The following MTUS2 variants were observed in gnomAD, a reference collection of about 807,000 sequenced individuals.
MTUS2 encodes the protein microtubule associated scaffold protein 2.
A neutral mutation model predicts 114.1 loss-of-function variants in MTUS2; 40 were observed. The ratio of observed to expected loss-of-function variants is 0.35; its 90% CI spans 0.27 to 0.46. The LOEUF (loss-of-function observed/expected upper bound fraction) is 0.46. MTUS2 is among the 20% of genes least tolerant of loss of function. The probability of loss-of-function intolerance (pLI) is 1.00; values close to 1 mark genes in which losing one functional copy is unlikely to be tolerated. For missense variants in MTUS2, 1,679 were observed against 1,705.4 expected (o/e 0.98, Z 0.27); for synonymous variants, 688 against 672.0 (o/e 1.02, Z -0.37).
At chr13:29,059,463 C>G (rs554917092) in intron 4 of MTUS2, among the ~76,000 whole-genome samples, 1 of 152,142 alleles carries the variant, frequency 6.6e-6, no homozygotes, top group Non-Finnish European at 1.5e-5. Flanking sequence ...AATCTACTCT[C>G]TGAGTGCTTC....
intron 9 of MTUS2, among the ~76,000 whole-genome samples, chr13:29,461,346 C>T (rs1344581316): frequency 6.6e-6 from 1 of 152,182 alleles, no homozygotes; most frequent in Non-Finnish European, 1.5e-5. Flanking sequence ...AACACTGTTG[C>T]ATTGGGGATT....
chr13:29,318,766 T>G (rs1900129307), intron 6 of MTUS2, among the ~76,000 whole-genome samples: 1 of 152,174 alleles, frequency 6.6e-6, no homozygotes, highest in Admixed American at 6.5e-5. Context: ...GAAACTGAGC[T>G]TTTACACTCT....
chr13:28,980,035 C>A (rs1027509833), intron 2 of MTUS2, among the ~76,000 whole-genome samples: 1 of 152,086 alleles, frequency 6.6e-6, no homozygotes, highest in Non-Finnish European at 1.5e-5. Context: ...AAGGAACTTT[C>A]TTATGCTTAG....
chr13:28,912,216 A>AT (rs1566218121), intron 2 of MTUS2, among the ~76,000 whole-genome samples: 1 of 151,956 alleles, frequency 6.6e-6, no homozygotes, highest in Admixed American at 6.6e-5. Context: ...CCAATTTCAA[A>AT]TTTTTTGCAT....
intron 9 of MTUS2, among the ~76,000 whole-genome samples, chr13:29,446,247 T>G (rs1376856656): frequency 6.6e-6 from 1 of 152,198 alleles, no homozygotes; most frequent in African/African-American, 2.4e-5. Flanking sequence ...GGAGAATGAT[T>G]CACTCATTTA....
chr13:28,887,962 C>G (rs1315288640), intron 2 of MTUS2, among the ~76,000 whole-genome samples: 1 of 152,202 alleles, frequency 6.6e-6, no homozygotes, highest in East Asian at 1.9e-4. Context: ...TTTCTACTTT[C>G]CTTCAAGCTT....
chr13:29,180,986 A>C (rs968428657), intron 5 of MTUS2, among the ~76,000 whole-genome samples: 10 of 152,218 alleles, frequency 6.6e-5, no homozygotes, highest in South Asian at 2.1e-4. Flanking sequence ...ATCCTGAAAA[A>C]AAAATTATCT....
chr13:29,276,237 C>G (rs557758491), intron 5 of MTUS2, among the ~76,000 whole-genome samples: 1 of 152,186 alleles, frequency 6.6e-6, no homozygotes, highest in East Asian at 1.9e-4. Context: ...TTTGTCCTAA[C>G]AGTTTAATGA....
At chr13:28,894,279 TG>T (rs1223572563) in intron 2 of MTUS2, among the ~76,000 whole-genome samples, 216 of 17,386 alleles carry the variant, frequency 0.012, 6 homozygotes, top group African/African-American at 0.034. Context: ...GGAGAGTTGG[TG>T]GGGGGGGGGG....
chr13:29,219,739 C>A (rs4769695), intron 5 of MTUS2, among the ~76,000 whole-genome samples: 85,841 of 152,060 alleles, frequency 0.56, 24,427 homozygotes, highest in Admixed American at 0.57. Context: ...GCTTTTCCAT[C>A]AGTACTTGCT....
rs561339374 is a variant in MTUS2, at chr13:28,879,978, A to G, written c.-243+40128A>G. Among the ~76,000 whole-genome samples the G allele has an allele frequency of 2.6e-5, 4 of 152,312 alleles. No individual in the cohort carries two copies. In the South Asian group the frequency reaches 8.3e-4, roughly 32 times the overall value. On this transcript the variant is annotated intron_variant, in intron 2 of 15. Coordinates refer to ENST00000612955, the MANE Select transcript of MTUS2 (RefSeq NM_001033602.4). Reference sequence around the variant, plus strand: ...TGAAGTCGTGAGGTTGAGGCAAAGAAATAAAGCTAGAAAGGACCTGATATA... The same window carrying G: ...TGAAGTCGTGAGGTTGAGGCAAAGAGATAAAGCTAGAAAGGACCTGATATA...
chr13:28,906,239 T>TA (rs1164184614), intron 2 of MTUS2, among the ~76,000 whole-genome samples: 1 of 151,520 alleles, frequency 6.6e-6, no homozygotes, highest in African/African-American at 2.4e-5. Context: ...AAGTGTTTTT[T>TA]ATGTCTCTAT....
intron 5 of MTUS2, among the ~76,000 whole-genome samples, chr13:29,168,130 A>G (rs1188679789): frequency 6.6e-6 from 1 of 152,180 alleles, no homozygotes; most frequent in East Asian, 1.9e-4. Flanking sequence ...AATATAGAGG[A>G]GGATATATTC....
At chr13:29,203,561 A>AG (rs34775982) in intron 5 of MTUS2, among the ~76,000 whole-genome samples, 5 of 40,044 alleles carry the variant, frequency 1.2e-4, no homozygotes, top group African/African-American at 6.6e-4. Context: ...CTGGGGTATG[A>AG]AAAAAAAAAA....
At chr13:28,845,308 A>ATT (rs1875797297) in intron 2 of MTUS2, among the ~76,000 whole-genome samples, 1 of 152,232 alleles carries the variant, frequency 6.6e-6, no homozygotes, top group Admixed American at 6.5e-5. Flanking sequence ...TGTAAACTTC[A>ATT]CAAGGGTGGG....
chr13:29,448,474 G>A (rs1878443540), intron 9 of MTUS2, among the ~76,000 whole-genome samples: 1 of 152,150 alleles, frequency 6.6e-6, no homozygotes, highest in Admixed American at 6.5e-5. Context: ...AGTGGAAATG[G>A]GGAAATGTCT....
chr13:28,870,964 C>T (rs184042035), intron 2 of MTUS2, among the ~76,000 whole-genome samples: 92 of 152,200 alleles, frequency 6.0e-4, no homozygotes, highest in African/African-American at 2.2e-3. Flanking sequence ...AATTTTGGTG[C>T]ATCATTATCA....
At chr13:29,191,577 G>A (rs1894451410) in intron 5 of MTUS2, among the ~76,000 whole-genome samples, 1 of 152,074 alleles carries the variant, frequency 6.6e-6, no homozygotes, top group South Asian at 2.1e-4. Context: ...GGGAACATGG[G>A]GGACTGGGCT....
At chr13:28,981,373 C>T (rs533943013) in intron 2 of MTUS2, among the ~76,000 whole-genome samples, 11 of 152,060 alleles carry the variant, frequency 7.2e-5, no homozygotes, top group South Asian at 2.1e-4. Flanking sequence ...AAACAGCAAA[C>T]GTGTAGGTAG....
Sources: gnomAD v4.1 joint callset for allele counts (sites outside exome capture counted in the v4.1 genomes callset) on GRCh38, gnomAD v4.1.1 for gene constraint, MANE v1.5 for transcripts, NCBI Gene and HGNC (gene_info 2026-07-23, HGNC 2026-07-21) for gene names.